The following AMY2B variants were observed in gnomAD, a reference collection of about 807,000 sequenced individuals.
AMY2B encodes the protein amylase alpha 2B.
In AMY2B, 63 loss-of-function variants were observed where a neutral mutation model predicts 59.3. That is an observed-to-expected ratio of 1.06 (90% CI 0.87 to 1.31). The LOEUF (loss-of-function observed/expected upper bound fraction) is 1.31, where lower values mean the gene tolerates loss of function less well. AMY2B is among the 50% of genes most tolerant of loss of function. The probability of loss-of-function intolerance (pLI) is 0.00; values close to 1 mark genes in which losing one functional copy is unlikely to be tolerated. For synonymous variants in AMY2B, 180 were observed against 198.1 expected, an observed-to-expected ratio of 0.91 and a Z score of 0.77; for missense variants, 635 against 626.7, an observed-to-expected ratio of 1.01 and a Z score of -0.14.
At chr1:103,567,132 C>T (rs962610066), upstream of AMY2B, among the ~76,000 whole-genome samples, 4 of 152,050 alleles carry the variant, frequency 2.6e-5, no homozygotes, top group African/African-American at 4.8e-5. Context: ...GCTAACTATG[C>T]TTGAGAATAT....
At chr1:103,570,771 C>T, upstream of AMY2B, 1 of 485,398 alleles carries the variant, frequency 2.1e-6, no homozygotes, top group Non-Finnish European at 4.2e-6. Flanking sequence ...CTAGCCTCAC[C>T]AAACTGGAAT....
At chr1:103,564,860 C>T (rs1462192834) in intron 1 of AMY2B, among the ~76,000 whole-genome samples, 1 of 151,712 alleles carries the variant, frequency 6.6e-6, no homozygotes. Context: ...TCAATATGTC[C>T]CCATATTCAT....
At chr1:103,568,414 T>A (rs1400381354), upstream of AMY2B, 1 of 152,240 alleles carries the variant, frequency 6.6e-6, no homozygotes, top group Admixed American at 6.5e-5. Flanking sequence ...CCAATCCTAC[T>A]ACTATATGCA....
rs190087076 is a variant in AMY2B, at chr1:103,573,375, G to T, written c.513+115G>T. 5 of 1,535,728 alleles carry T rather than the reference G, an allele frequency of 3.3e-6. No individual in the cohort carries two copies. In the African/African-American group the frequency reaches 4.1e-5, roughly 13 times the overall value. On this transcript the variant is annotated intron_variant, in intron 3 of 9. Transcript: ENST00000684275. ...GAATTTAGATCTCTTAGGGACACAG[G>T]TTAACAGGTTTGACTACTTTAAGAA...
chr1:103,572,214 A>C lies in AMY2B; in HGVS notation c.273A>C (p.Glu91Asp), dbSNP rs1346806491. Reference sequence around the variant, plus strand: ...AATTATGCACAAGATCTGGAAATGAAGATGAATTTAGAAACATGGTGACTA... The same window carrying C: ...AATTATGCACAAGATCTGGAAATGACGATGAATTTAGAAACATGGTGACTA... Reference protein sequence around the residue: ...SYKLCTRSGNEDEFRNMVTRC... With the variant: ...SYKLCTRSGNDDEFRNMVTRC... Residue 91 changes from glutamate to aspartate, a missense_variant, in exon 2 of 10, where the codon GAA becomes GAC. Coordinates refer to ENST00000684275, the MANE Select transcript of AMY2B (RefSeq NM_001387437.1). 6.2e-7 allele frequency: 1 copy of C among 1,611,610 alleles called. No homozygotes were observed. The highest frequency in any genetic ancestry group is 8.5e-7 in the Non-Finnish European group (1 of 1,179,620).
Position 103,574,276 on chromosome 1 carries a change from G to T in AMY2B, c.761G>T (p.Gly254Val), listed in dbSNP as rs763384035. The T allele has an allele frequency of 6.2e-7, 1 of 1,611,714 alleles. No homozygotes were observed. The highest frequency in any genetic ancestry group is 1.1e-5 in the South Asian group (1 of 90,978). Reference protein sequence around the residue: ...FIYQEVIDLGGEPIKSSDYFG... With the variant: ...FIYQEVIDLGVEPIKSSDYFG... ...TTCTACTAGGTAATTGATCTGGGTGGTGAGCCAATTAAAAGCAGTGACTAC... is the reference window on the plus strand; with the variant it reads ...TTCTACTAGGTAATTGATCTGGGTGTTGAGCCAATTAAAAGCAGTGACTAC... Residue 254 changes from glycine to valine, a missense_variant, in exon 5 of 10, where the codon GGT (glycine) becomes GTT (valine). Coordinates refer to ENST00000684275, the MANE Select transcript of AMY2B (RefSeq NM_001387437.1).
intron 1 of AMY2B, among the ~76,000 whole-genome samples, chr1:103,564,777 C>A (rs1651852886): frequency 6.6e-6 from 1 of 152,056 alleles, no homozygotes; most frequent in South Asian, 2.1e-4. Flanking sequence ...ACTACCAATT[C>A]TCTGCTTCTT....
Position 103,575,496 on chromosome 1 carries a change from G to A in AMY2B, c.1057G>A (p.Val353Ile). Residue 353 changes from valine (V) to isoleucine (I), a missense_variant, in exon 7 of 10, where the codon GTA becomes ATA. Coordinates refer to ENST00000684275, the MANE Select transcript of AMY2B (RefSeq NM_001387437.1). ...MLAHPYGFTR[V>I]MSSYRWPRQF... ...TGCTCATCCTTATGGTTTTACACGAGTAATGTCAAGCTACCGTTGGCCAAG... is the reference window on the plus strand; with the variant it reads ...TGCTCATCCTTATGGTTTTACACGAATAATGTCAAGCTACCGTTGGCCAAG... 6.2e-7 allele frequency: 1 copy of A among 1,613,736 alleles called. No homozygotes were observed. The highest frequency in any genetic ancestry group is 8.5e-7 in the Non-Finnish European group (1 of 1,179,754).
intron 1 of AMY2B, among the ~76,000 whole-genome samples, chr1:103,558,584 C>G (rs1300543712): frequency 6.6e-6 from 1 of 151,918 alleles, no homozygotes; most frequent in African/African-American, 2.4e-5. Context: ...TGACATTTAA[C>G]TTTGTAAACA....
At chr1:103,570,378 A>G (rs1433571537), upstream of AMY2B, 4 of 827,406 alleles carry the variant, frequency 4.8e-6, no homozygotes, top group South Asian at 1.3e-5. Flanking sequence ...ATCCACCCAG[A>G]CCATCTTCAA....
rs773696201 is a variant in AMY2B, at chr1:103,573,221, T to G, written c.474T>G (p.Thr158=). Residue 158 remains threonine, a synonymous_variant, in exon 3 of 10, where the codon ACT becomes ACG. Transcript: ENST00000684275. ...GWDFNDGKCK[T]GSGDIENYND... ...ATTTTAATGATGGTAAATGTAAAAC[T>G]GGAAGTGGAGATATCGAGAACTACA... 1.2e-6 allele frequency: 2 copies of G among 1,613,730 alleles called. No individual in the cohort carries two copies. Among genetic ancestry groups the G allele is most frequent in the South Asian group, 1.1e-5 (1 of 91,072 alleles).
rs1183716209 is a variant in AMY2B at position 103,571,613 on chromosome 1, TTC to T, written c.13_14del (p.Leu5ValfsTer28). 6.2e-7 allele frequency: 1 copy of T among 1,611,194 alleles called. No individual in the cohort carries two copies. Among genetic ancestry groups the T allele is most frequent in the Admixed American group, 1.7e-5 (1 of 59,980 alleles). Reference sequence around the variant, plus strand: ...CAACTTCAAAGCAAAATGAAGTTCTTTCTGTTGCTTTTCACCATTGGGTTCTG... The same window carrying T: ...CAACTTCAAAGCAAAATGAAGTTCTTTGTTGCTTTTCACCATTGGGTTCTG... On this transcript the variant is annotated frameshift_variant, in exon 1 of 10. Transcript: ENST00000684275. LOFTEE classifies it high-confidence loss of function.
intron 4 of AMY2B, 93 bp from the exon 5 acceptor site, chr1:103,574,167 G>C (rs1652251911): frequency 6.4e-7 from 1 of 1,556,552 alleles, no homozygotes; most frequent in East Asian, 2.3e-5. Context: ...ATAACAAATA[G>C]CTTAAAGCTA....
chr1:103,557,038 C>G (rs1435068138), intron 1 of AMY2B, among the ~76,000 whole-genome samples: 1 of 152,096 alleles, frequency 6.6e-6, no homozygotes, highest in Non-Finnish European at 1.5e-5. Context: ...GAATAGAGTT[C>G]TCATCCCAAG....
At chr1:103,561,050 G>A (rs1416873028) in intron 1 of AMY2B, among the ~76,000 whole-genome samples, 1 of 149,914 alleles carries the variant, frequency 6.7e-6, no homozygotes, top group Non-Finnish European at 1.5e-5. Context: ...GTACGCGTGT[G>A]TGATAAGTAA....
chr1:103,570,117 C>T (rs1181583551), upstream of AMY2B: 4 of 442,576 alleles, frequency 9.0e-6, no homozygotes, highest in East Asian at 2.2e-4. Flanking sequence ...CCAACTACCT[C>T]ATGAAGATCC....
chr1:103,575,201 A>G (rs1479141993), intron 5 of AMY2B, 22 bp from the exon 6 acceptor site: 1 of 1,613,058 alleles, frequency 6.2e-7, no homozygotes, highest in East Asian at 2.2e-5. Context: ...ACATCAACAT[A>G]TATCTTATTT....
At chr1:103,554,673 A>C (rs569749107), upstream of AMY2B, 3 of 152,696 alleles carry the variant, frequency 2.0e-5, no homozygotes, top group South Asian at 2.1e-4. Flanking sequence ...GTATCAACCT[A>C]GCCATCCAAC....
upstream of AMY2B, among the ~76,000 whole-genome samples, chr1:103,567,308 A>G (rs1651941915): frequency 6.6e-6 from 1 of 152,124 alleles, no homozygotes; most frequent in Non-Finnish European, 1.5e-5. Context: ...CTAGTTTTGC[A>G]ATGAACAGAG....
Sources: allele counts gnomAD v4.1 joint callset (sites outside exome capture counted in the v4.1 genomes callset), GRCh38; gene constraint gnomAD v4.1.1; transcripts MANE v1.5; gene names NCBI Gene and HGNC (gene_info 2026-07-23, HGNC 2026-07-21).